The following XKR4 variants were observed in gnomAD, a reference collection of about 807,000 sequenced individuals.
The protein encoded by XKR4 is XK-related protein 4.
In XKR4, 12 loss-of-function variants were observed where a neutral mutation model predicts 53.9. The ratio of observed to expected loss-of-function variants is 0.22; its 90% CI spans 0.14 to 0.36. The LOEUF (loss-of-function observed/expected upper bound fraction) is 0.36, where lower values mean the gene tolerates loss of function less well. Among genes scored for constraint, XKR4 ranks in the 10% least tolerant of loss-of-function variants. The pLI, the probability that XKR4 is intolerant of heterozygous loss-of-function variation, is 1.00. For missense variants in XKR4, 799 were observed against 859.5 expected, an observed-to-expected ratio of 0.93 and a Z score of 0.88; for synonymous variants, 354 against 362.4, an observed-to-expected ratio of 0.98 and a Z score of 0.26.
intron 1 of XKR4, among the ~76,000 whole-genome samples, chr8:55,312,271 A>G (rs941730647): frequency 3.3e-4 from 50 of 152,284 alleles, no homozygotes; most frequent in African/African-American, 1.2e-3. Context: ...AGAGGTTACT[A>G]AACCATTTCC....
chr8:55,130,499 G>T (rs191353647), intron 1 of XKR4, among the ~76,000 whole-genome samples: 2 of 152,318 alleles, frequency 1.3e-5, no homozygotes, highest in African/African-American at 4.8e-5. Context: ...CCATGCCCTG[G>T]AAGTCTTGTC....
At chr8:55,305,308 C>T (rs150931952) in intron 1 of XKR4, among the ~76,000 whole-genome samples, 127 of 152,280 alleles carry the variant, frequency 8.3e-4, no homozygotes, top group African/African-American at 2.9e-3. Context: ...GGCGTTGTGC[C>T]AGCAGGGGAA....
chr8:55,209,145 T>C (rs1817690650), intron 1 of XKR4, among the ~76,000 whole-genome samples: 1 of 152,142 alleles, frequency 6.6e-6, no homozygotes, highest in Non-Finnish European at 1.5e-5. Flanking sequence ...ATTCCAGCTC[T>C]GACCTCACTC....
At chr8:55,252,982 G>A (rs1818381409) in intron 1 of XKR4, among the ~76,000 whole-genome samples, 1 of 152,132 alleles carries the variant, frequency 6.6e-6, no homozygotes, top group Non-Finnish European at 1.5e-5. Context: ...TGGAACATAG[G>A]GAAGAAAAGT....
At position 55,102,540 on chromosome 8, in the gene XKR4, G is replaced by A; in HGVS notation, c.52G>A (p.Ala18Thr). Residue 18 changes from alanine (A) to threonine (T), a missense_variant, in exon 1 of 3, where the codon GCG (alanine) becomes ACG (threonine). Around this residue, in one of 3 missense-constraint regions of XKR4, gnomAD observed 476 missense variants for 505.4 expected, o/e 0.94. Transcript: ENST00000327381. The surrounding 1 kb of genome is among the most constrained non-coding windows in gnomAD (Gnocchi z 5.1). The part of the protein sequence containing the change: ...RLKMKKSSDV[A>T]FTPLQNSDHS... ...GAAAATGAAGAAAAGCAGCGACGTG[G>A]CGTTCACCCCGCTGCAGAACTCGGA... 1.3e-6 allele frequency: 2 copies of A among 1,551,398 alleles called. No individual in the cohort carries two copies. Among genetic ancestry groups the A allele is most frequent in the Non-Finnish European group, 1.7e-6 (2 of 1,145,340 alleles).
Position 55,426,567 on chromosome 8 carries a change from G to A in XKR4, c.1006+68690G>A, listed in dbSNP as rs1361771857. Among the ~76,000 whole-genome samples, 3 of 152,184 alleles carry A rather than the reference G, an allele frequency of 2.0e-5. No homozygotes were observed. The South Asian group carries it at 6.2e-4, about 31-fold the overall frequency. ...GTACATGCTTAAGAATAAAGGCTGTGTGTTATTCTTCTTTGATCCCCAGAA... is the reference window on the plus strand; with the variant it reads ...GTACATGCTTAAGAATAAAGGCTGTATGTTATTCTTCTTTGATCCCCAGAA... On this transcript the variant is annotated intron_variant, in intron 2 of 2. Transcript: ENST00000327381.
In XKR4 at chr8:55,409,639, C is replaced by T. The variant is rs1368303934; in HGVS notation, c.1006+51762C>T. On this transcript the variant is annotated intron_variant, in intron 2 of 2. Transcript: ENST00000327381. The stretch of plus-strand genomic sequence containing the variant: ...TACGTGAACTCTTAACTTTGATTTG[C>T]CTGTCCTAAAATTGGGGATAAAGGA... Among the ~76,000 whole-genome samples, 5 of 151,650 alleles carry T rather than the reference C, an allele frequency of 3.3e-5. No homozygotes were observed. In the East Asian group the frequency reaches 5.8e-4, roughly 18 times the overall value.
In XKR4 at chr8:55,338,353, A is replaced by G. The variant is rs141451973; in HGVS notation, c.807-19325A>G. 1.1e-3 allele frequency among the ~76,000 whole-genome samples: 160 copies of G among 152,274 alleles called. 2 individuals are homozygous for G. The East Asian group carries it at 0.028, about 26-fold the overall frequency. On this transcript the variant is annotated intron_variant, in intron 1 of 2. Coordinates refer to ENST00000327381, the MANE Select transcript of XKR4 (RefSeq NM_052898.2). ...CAGCCTGTGACAAGAGCTAGTGTGC[A>G]TGTGCTGTATTTTGGGTTGTGGTTC...
chr8:55,507,608 T>G (rs1343968802), intron 2 of XKR4, among the ~76,000 whole-genome samples: 1 of 152,166 alleles, frequency 6.6e-6, no homozygotes, highest in Non-Finnish European at 1.5e-5. Context: ...ATTTGGTTTT[T>G]TGTCCTTGCG....
chr8:55,205,932 T>C (rs543955397), intron 1 of XKR4, among the ~76,000 whole-genome samples: 1 of 152,302 alleles, frequency 6.6e-6, no homozygotes, highest in African/African-American at 2.4e-5. Context: ...CCGGAGTTTC[T>C]TCCTTCTGGT....
intron 1 of XKR4, among the ~76,000 whole-genome samples, chr8:55,290,255 G>T (rs1037642188): frequency 2.0e-5 from 3 of 151,468 alleles, no homozygotes; most frequent in African/African-American, 7.3e-5. Context: ...TCAGCCTCCG[G>T]AGTAGCTGGG....
chr8:55,450,870 C>A (rs1563353490), intron 2 of XKR4: 3 of 472,064 alleles, frequency 6.4e-6, no homozygotes, highest in Non-Finnish European at 4.0e-6. Context: ...AGTCCAGGAG[C>A]TCCCCCCTCC....
In XKR4 at chr8:55,523,557, G is replaced by A; in HGVS notation, c.1283G>A (p.Trp428Ter). 1 of 1,614,140 alleles carries A rather than the reference G, an allele frequency of 6.2e-7. No homozygotes were observed. The highest frequency in any genetic ancestry group is 8.5e-7 in the Non-Finnish European group (1 of 1,180,008). ...GAGACAGAATTCTGTATCACCAAAT[G>A]GGAAGAGATTGTGTTCGACATGGTG... Reference protein sequence around the residue: ...HCETEFCITKWEEIVFDMVVG... With the variant: ...HCETEFCITK The change falls in exon 3 of 3, where the codon TGG becomes TAG. Residue 428 changes from tryptophan to a stop codon, truncating the protein, a stop_gained. Coordinates refer to ENST00000327381, the MANE Select transcript of XKR4 (RefSeq NM_052898.2). LOFTEE classifies it high-confidence loss of function.
At chr8:55,393,222 T>C (rs1241222691) in intron 2 of XKR4, among the ~76,000 whole-genome samples, 1 of 152,122 alleles carries the variant, frequency 6.6e-6, no homozygotes, top group Admixed American at 6.5e-5. Context: ...AATAATGCAC[T>C]ATGAAGGAGA....
At chr8:55,378,392 T>C (rs1804181056) in intron 2 of XKR4, among the ~76,000 whole-genome samples, 1 of 152,244 alleles carries the variant, frequency 6.6e-6, no homozygotes, top group South Asian at 2.1e-4. Flanking sequence ...CTTAGAATTC[T>C]GATCTTATAT....
chr8:55,365,041 AAG>A (rs1803956279), intron 2 of XKR4, among the ~76,000 whole-genome samples: 1 of 152,222 alleles, frequency 6.6e-6, no homozygotes, highest in Non-Finnish European at 1.5e-5. Flanking sequence ...TATAGTGTGA[AAG>A]AGAGTTGTTT....
intron 2 of XKR4, among the ~76,000 whole-genome samples, chr8:55,485,282 A>G (rs1471497638): frequency 6.6e-6 from 1 of 152,246 alleles, no homozygotes; most frequent in Non-Finnish European, 1.5e-5. Context: ...AAAAGGAAAT[A>G]AAAAGCATAT....
At chr8:55,491,602 A>G (rs1463535270) in intron 2 of XKR4, among the ~76,000 whole-genome samples, 1 of 151,234 alleles carries the variant, frequency 6.6e-6, no homozygotes, top group Admixed American at 6.6e-5. Flanking sequence ...CAGGTGTTCA[A>G]TGGGCTCTTT....
At chr8:55,285,791 T>C (rs1459928291) in intron 1 of XKR4, among the ~76,000 whole-genome samples, 1 of 152,196 alleles carries the variant, frequency 6.6e-6, no homozygotes, top group African/African-American at 2.4e-5. Flanking sequence ...CCAAGTTCTA[T>C]GGGCCCATAG....
Sources: gnomAD v4.1 joint callset for allele counts (sites outside exome capture counted in the v4.1 genomes callset) on GRCh38, gnomAD v4.1.1 for gene constraint, gnomAD v4.1.1 regional missense constraint, Gnocchi (gnomAD v3.1) non-coding constraint, MANE v1.5 for transcripts, NCBI Gene and HGNC (gene_info 2026-07-23, HGNC 2026-07-21) for gene names.